Variants in ING5 observed in about 807,000 individuals in gnomAD.
ING5 encodes the protein inhibitor of growth protein 5.
In ING5, 17 loss-of-function variants were observed where a neutral mutation model predicts 37.4. The ratio of observed to expected loss-of-function variants is 0.45; its 90% CI spans 0.31 to 0.68. The LOEUF is 0.68. Ranked by LOEUF, ING5 falls within the 30% of genes least tolerant of loss-of-function variation. The pLI is 0.05. For synonymous variants in ING5, 123 were observed against 116.6 expected (o/e 1.06, Z -0.36); for missense variants, 233 against 311.9 (o/e 0.75, Z 1.91).
intron 2 of ING5, among the ~76,000 whole-genome samples, chr2:241,696,499 A>C (rs1372826918): frequency 1.3e-5 from 2 of 152,146 alleles, no homozygotes; most frequent in Non-Finnish European, 2.9e-5. Flanking sequence ...AAAAATGGGC[A>C]AAAGTGCTGG....
At chr2:241,710,860 G>T (rs1440320395) in intron 3 of ING5, among the ~76,000 whole-genome samples, 1 of 152,022 alleles carries the variant, frequency 6.6e-6, no homozygotes, top group African/African-American at 2.4e-5. Flanking sequence ...TGATCCACCT[G>T]CCTCGGTCTC....
rs746119576 is a variant in ING5, at chr2:241,709,323, A to C, written c.217A>C (p.Ser73Arg). 6 of 1,614,146 alleles carry C rather than the reference A, an allele frequency of 3.7e-6. No homozygotes were observed. The highest frequency in any genetic ancestry group is 3.4e-6 in the Non-Finnish European group (4 of 1,180,032). The change falls in exon 3 of 8, where the codon AGC becomes CGC. Residue 73 changes from serine (S) to arginine (R), a missense_variant. Coordinates refer to ENST00000313552, the MANE Select transcript of ING5 (RefSeq NM_032329.6). ...CCTGCAGAAGATCCAGAACGCCTAC[A>C]GCAAGTGCAAGGAATACAGTGACGA... ...ERLQKIQNAY[S>R]KCKEYSDDKV...
At chr2:241,715,388 G>T (rs1380055892) in intron 5 of ING5, among the ~76,000 whole-genome samples, 1 of 149,916 alleles carries the variant, frequency 6.7e-6, no homozygotes, top group Non-Finnish European at 1.5e-5. Flanking sequence ...TAGAGATGGA[G>T]TTTCACCATG....
intron 1 of ING5, among the ~76,000 whole-genome samples, chr2:241,702,378 C>A (rs1196618893): frequency 6.7e-6 from 1 of 148,846 alleles, no homozygotes; most frequent in Non-Finnish European, 1.5e-5. Context: ...GGGCTTGCGG[C>A]CTCGACCCCG....
chr2:241,724,098 G>A (rs986486134), intron 7 of ING5: 4 of 1,308,982 alleles, frequency 3.1e-6, no homozygotes, highest in South Asian at 1.7e-5. Context: ...AAATGAAATC[G>A]GAATGTGCTC....
At chr2:241,701,711 C>A (rs1348324235), upstream of ING5, among the ~76,000 whole-genome samples, 2 of 152,154 alleles carry the variant, frequency 1.3e-5, no homozygotes, top group African/African-American at 4.8e-5. Flanking sequence ...GTCCCCGGGA[C>A]CACGTGTTTG....
intron 3 of ING5, among the ~76,000 whole-genome samples, chr2:241,710,020 G>T (rs139694680): frequency 0.077 from 11,680 of 151,974 alleles, 1,124 homozygotes; most frequent in African/African-American, 0.22. Flanking sequence ...ACGGCTCACT[G>T]CAACCTCCAC....
At chr2:241,711,593 C>T in intron 4 of ING5, 105 bp downstream of exon 4, 1 of 863,018 alleles carries the variant, frequency 1.2e-6, no homozygotes, top group Non-Finnish European at 1.8e-6. Context: ...GGGTAAGTAT[C>T]ATATTTGGGT....
At chr2:241,711,888 G>C in intron 4 of ING5, 90 bp from the exon 5 acceptor site, 1 of 1,164,710 alleles carries the variant, frequency 8.6e-7, no homozygotes, top group African/African-American at 1.6e-5. Flanking sequence ...CTGGGAGACA[G>C]AGCGAGACCC....
At chr2:241,721,463 G>C in intron 5 of ING5, 1 of 985,642 alleles carries the variant, frequency 1.0e-6, no homozygotes, top group Non-Finnish European at 1.2e-6. Flanking sequence ...GCAGCGGGGA[G>C]GCCGGGTGCA....
chr2:241,688,911 G>A (rs1336444113), intron 1 of ING5, among the ~76,000 whole-genome samples: 1 of 152,106 alleles, frequency 6.6e-6, no homozygotes, highest in Non-Finnish European at 1.5e-5. Context: ...CCATTCTCCT[G>A]CCTCAGCCTC....
At position 241,728,154 on chromosome 2, in the gene ING5, G is replaced by A. The variant is rs999710794; in HGVS notation, c.*3123G>A. On this transcript the variant is annotated 3_prime_UTR_variant, in exon 8 of 8. Transcript: ENST00000313552. ...CTGTGGCTGACGCTGTCTACCCGTG[G>A]GAGAGACACACTCAGGAGTGGCCGT... 1 of 152,278 alleles carries A rather than the reference G, an allele frequency of 6.6e-6. No homozygotes were observed. Among genetic ancestry groups the A allele is most frequent in the Admixed American group, 6.5e-5 (1 of 15,288 alleles). The allele number at this position is 152,278 out of a possible 1,614,324, so 9.4% of individuals were successfully genotyped here. A position where few individuals can be genotyped will look rare whatever the true frequency, so the allele number is the denominator to read the frequency against.
chr2:241,705,644 G>A (rs906495876), intron 2 of ING5, among the ~76,000 whole-genome samples: 1 of 151,934 alleles, frequency 6.6e-6, no homozygotes, highest in Non-Finnish European at 1.5e-5. Context: ...CTGACCTCAT[G>A]ATCCGCCTGC....
upstream of ING5, among the ~76,000 whole-genome samples, chr2:241,699,899 A>C (rs548808780): frequency 6.6e-6 from 1 of 152,344 alleles, no homozygotes; most frequent in Non-Finnish European, 1.5e-5. Flanking sequence ...TGACATGGGT[A>C]CTGGTGAGCA....
chr2:241,718,686 G>A (rs1198712863), intron 5 of ING5, among the ~76,000 whole-genome samples: 1 of 152,034 alleles, frequency 6.6e-6, no homozygotes, highest in African/African-American at 2.4e-5. Context: ...CGATGTGCTG[G>A]GATTACAGGC....
chr2:241,722,379 G>A (rs1021477506), intron 5 of ING5: 26 of 985,268 alleles, frequency 2.6e-5, no homozygotes, highest in East Asian at 1.1e-4. Flanking sequence ...GAGTGGACTC[G>A]TCCCCAGAGT....
At chr2:241,693,478 C>T (rs2069587199) in intron 2 of ING5, among the ~76,000 whole-genome samples, 1 of 151,570 alleles carries the variant, frequency 6.6e-6, no homozygotes, top group South Asian at 2.1e-4. Flanking sequence ...AGGCTTGCAT[C>T]CCCTACGCTC....
chr2:241,722,219 G>A (rs376278230), intron 5 of ING5: 25 of 985,286 alleles, frequency 2.5e-5, no homozygotes, highest in Non-Finnish European at 2.9e-5. Flanking sequence ...TGGGAGGCTG[G>A]CAGGCTTCTC....
intron 2 of ING5, among the ~76,000 whole-genome samples, chr2:241,693,652 CTTTTTTTTTT>C (rs1185556171): frequency 2.5e-5 from 2 of 78,538 alleles, no homozygotes; most frequent in East Asian, 4.1e-4. Context: ...AAATACAACT[CTTTTTTTTTT>C]TTTTTTTTTT....
Sources: gnomAD v4.1 joint callset for allele counts (sites outside exome capture counted in the v4.1 genomes callset) on GRCh38, gnomAD v4.1.1 for gene constraint, MANE v1.5 for transcripts, NCBI Gene and HGNC (gene_info 2026-07-23, HGNC 2026-07-21) for gene names.